Variants in IMMP2L observed in about 807,000 individuals in gnomAD.
IMMP2L encodes inner mitochondrial membrane peptidase subunit 2.
A neutral mutation model predicts 19.3 loss-of-function variants in IMMP2L; 18 were observed. The observed-to-expected ratio is 0.93, with a 90% CI of 0.64 to 1.38. IMMP2L has a LOEUF of 1.38. Ranked by LOEUF, IMMP2L falls within the 40% of genes most tolerant of loss-of-function variation. IMMP2L has a pLI of 0.00. For missense variants in IMMP2L, 233 were observed against 218.2 expected (o/e 1.07, Z -0.43); for synonymous variants, 76 against 73.0 (o/e 1.04, Z -0.21).
chr7:110,851,618 G>A (rs1806235272), intron 5 of IMMP2L, among the ~76,000 whole-genome samples: 1 of 151,974 alleles, frequency 6.6e-6, no homozygotes, highest in Non-Finnish European at 1.5e-5. Context: ...CTAAATGTGA[G>A]GCCATTTTCC....
intron 3 of IMMP2L, among the ~76,000 whole-genome samples, chr7:111,287,974 A>T (rs1296384354): frequency 6.6e-6 from 1 of 152,206 alleles, no homozygotes; most frequent in Non-Finnish European, 1.5e-5. Context: ...GGTTTCCATA[A>T]GCTCAATAAT....
intron 4 of IMMP2L, among the ~76,000 whole-genome samples, chr7:110,946,912 G>C (rs1817311417): frequency 6.6e-6 from 1 of 151,818 alleles, no homozygotes; most frequent in South Asian, 2.1e-4. Flanking sequence ...AGTAGAGATG[G>C]AGTTTCACCG....
intron 3 of IMMP2L, among the ~76,000 whole-genome samples, chr7:111,226,549 T>C (rs1433449922): frequency 6.6e-6 from 1 of 152,100 alleles, no homozygotes; most frequent in Admixed American, 6.6e-5. Context: ...CTCTGAGAGC[T>C]AGCAACAGGT....
chr7:111,188,011 G>T (rs1328562948), intron 3 of IMMP2L, among the ~76,000 whole-genome samples: 1 of 151,978 alleles, frequency 6.6e-6, no homozygotes, highest in Non-Finnish European at 1.5e-5. Context: ...GTTGATTTGG[G>T]ATATGTCAGA....
intron 3 of IMMP2L, among the ~76,000 whole-genome samples, chr7:110,980,348 C>A (rs1231142831): frequency 6.6e-6 from 1 of 151,208 alleles, no homozygotes; most frequent in South Asian, 2.1e-4. Flanking sequence ...CTGCCTCAGC[C>A]TCTCCGAGTA....
chr7:111,262,736 C>T (rs1817447971), intron 3 of IMMP2L, among the ~76,000 whole-genome samples: 1 of 152,078 alleles, frequency 6.6e-6, no homozygotes, highest in South Asian at 2.1e-4. Context: ...TTTAAATATT[C>T]CTGCTATGTG....
chr7:111,172,184 T>G (rs1329463120), intron 3 of IMMP2L, among the ~76,000 whole-genome samples: 1 of 151,440 alleles, frequency 6.6e-6, no homozygotes, highest in African/African-American at 2.4e-5. Flanking sequence ...ATAAGGGACT[T>G]TCATAATATA....
intron 3 of IMMP2L, among the ~76,000 whole-genome samples, chr7:111,072,039 GC>G (rs1487027707): frequency 6.6e-6 from 1 of 151,976 alleles, no homozygotes; most frequent in African/African-American, 2.4e-5. Context: ...CAAATATAGG[GC>G]AATTTAAGAA....
chr7:111,015,025 C>G (rs1339798824), intron 3 of IMMP2L, among the ~76,000 whole-genome samples: 6 of 152,068 alleles, frequency 3.9e-5, no homozygotes, highest in Admixed American at 3.9e-4. Flanking sequence ...ATTAAAATTA[C>G]CATATGATTC....
rs1837618398 is a variant in IMMP2L at position 111,440,622 on chromosome 7, G to A, written c.239+46616C>T. ...ACAGTCAGAGCATATTCAGCATAAT[G>A]CTTAAGGGGCCTAGGATTTTCAGAG... On this transcript the variant is annotated intron_variant, in intron 3 of 5. Transcript: ENST00000405709. Among the ~76,000 whole-genome samples, 4 of 151,832 alleles carry A rather than the reference G, an allele frequency of 2.6e-5. 1 individual carries two copies. The highest frequency in any genetic ancestry group is 9.7e-5 in the African/African-American group (4 of 41,140).
intron 3 of IMMP2L, among the ~76,000 whole-genome samples, chr7:111,076,094 G>A (rs1265137494): frequency 6.6e-6 from 1 of 151,854 alleles, no homozygotes; most frequent in Non-Finnish European, 1.5e-5. Flanking sequence ...TCTTCAAATA[G>A]CCCCCCTCAT....
chr7:111,329,707 AG>A (rs1466341495), intron 3 of IMMP2L, among the ~76,000 whole-genome samples: 1 of 151,786 alleles, frequency 6.6e-6, no homozygotes, highest in Non-Finnish European at 1.5e-5. Context: ...TACATTAGAG[AG>A]AGAAAAAGGG....
chr7:111,268,373 C>T (rs902097840), intron 3 of IMMP2L, among the ~76,000 whole-genome samples: 9 of 150,992 alleles, frequency 6.0e-5, no homozygotes, highest in African/African-American at 1.9e-4. Flanking sequence ...CTTCACCTAG[C>T]TCATGGTTTT....
chr7:111,353,326 T>G (rs977347851), intron 3 of IMMP2L, among the ~76,000 whole-genome samples: 2 of 152,200 alleles, frequency 1.3e-5, no homozygotes, highest in African/African-American at 4.8e-5. Context: ...CCATGTCTCC[T>G]GAACCTTGTT....
Position 110,963,407 on chromosome 7 carries a change from C to T in IMMP2L, c.305+93G>A, listed in dbSNP as rs968537282. ...TTTGGAATGTCTCCAAAACTTTGGC[C>T]CTCATGGACTTCAGATGTATTTCCC... On this transcript the variant is annotated intron_variant, in intron 4 of 5. Transcript: ENST00000405709. 24 of 848,854 alleles carry T rather than the reference C, an allele frequency of 2.8e-5. No individual in the cohort carries two copies. In the African/African-American group the frequency reaches 3.3e-4, roughly 12 times the overall value. 52.6% of individuals were successfully genotyped at this position (848,854 alleles called of 1,614,324 possible).
chr7:111,104,353 A>C (rs922479645), intron 3 of IMMP2L, among the ~76,000 whole-genome samples: 2 of 151,894 alleles, frequency 1.3e-5, no homozygotes, highest in Middle Eastern at 3.4e-3. Context: ...AGAGAATGAA[A>C]CAATTTCTTT....
chr7:110,912,180 T>G (rs1813129623), intron 4 of IMMP2L, among the ~76,000 whole-genome samples: 1 of 152,100 alleles, frequency 6.6e-6, no homozygotes, highest in African/African-American at 2.4e-5. Flanking sequence ...GCGAGTTATC[T>G]ATCTCCCCAT....
rs193140509 is a variant in IMMP2L at position 110,752,804 on chromosome 7, G to A, written c.409-89083C>T. On this transcript the variant is annotated intron_variant, in intron 5 of 5. Coordinates refer to ENST00000405709, the MANE Select transcript of IMMP2L (RefSeq NM_032549.4). ...TTGACAATGTATCTTGATGGTCAGC[G>A]GGAAATAGAAGGAAACCTGAATTTG... 1.2e-3 allele frequency among the ~76,000 whole-genome samples: 184 copies of A among 152,054 alleles called. 1 individual carries two copies. The highest frequency in any genetic ancestry group is 4.2e-3 in the African/African-American group (173 of 41,506).
At chr7:111,251,848 A>G (rs1345093903) in intron 3 of IMMP2L, among the ~76,000 whole-genome samples, 3 of 152,062 alleles carry the variant, frequency 2.0e-5, no homozygotes, top group African/African-American at 7.2e-5. Context: ...GCACACATTT[A>G]TCTATGTAAC....
Sources: gnomAD v4.1 joint callset for allele counts (sites outside exome capture counted in the v4.1 genomes callset) on GRCh38, gnomAD v4.1.1 for gene constraint, MANE v1.5 for transcripts, NCBI Gene and HGNC (gene_info 2026-07-23, HGNC 2026-07-21) for gene names.